The following PCDHA4 variants were observed in gnomAD, a reference collection of about 807,000 sequenced individuals.
PCDHA4 encodes protocadherin alpha-4.
PCDHA4 carries 49 observed loss-of-function variants against 61.4 expected under a neutral mutation model. The ratio of observed to expected loss-of-function variants is 0.80; its 90% CI spans 0.63 to 1.01. PCDHA4 has a LOEUF of 1.01. Among genes scored for constraint, PCDHA4 ranks in the 50% least tolerant of loss-of-function variants. The pLI, the probability that PCDHA4 is intolerant of heterozygous loss-of-function variation, is 0.00. For synonymous variants in PCDHA4, 590 were observed against 550.3 expected (o/e 1.07, Z -1.01); for missense variants, 1,254 against 1,235.8 (o/e 1.01, Z -0.22).
intron 1 of PCDHA4, chr5:140,927,252 C>A: frequency 6.2e-7 from 1 of 1,614,134 alleles, no homozygotes; most frequent in Non-Finnish European, 8.5e-7. Flanking sequence ...CCAATGACAA[C>A]TCACCTCTCT....
chr5:140,843,595 G>A, intron 1 of PCDHA4: 1 of 1,596,100 alleles, frequency 6.3e-7, no homozygotes, highest in Admixed American at 1.7e-5. Flanking sequence ...CGCAGAGGGT[G>A]TGCTCTGGTG....
At chr5:140,857,777 A>C in intron 1 of PCDHA4, 1 of 1,597,518 alleles carries the variant, frequency 6.3e-7, no homozygotes, top group South Asian at 1.1e-5. Flanking sequence ...CGGTGCAGTC[A>C]GTGAGCTGGT....
At chr5:140,834,242 C>T in intron 1 of PCDHA4, 8 of 829,662 alleles carry the variant, frequency 9.6e-6, no homozygotes, top group Non-Finnish European at 1.5e-5. Flanking sequence ...TTCCTTTTCG[C>T]ACTGGAAAGA....
chr5:140,824,312 C>A, intron 1 of PCDHA4: 2 of 756,370 alleles, frequency 2.6e-6, no homozygotes, highest in South Asian at 1.8e-5. Flanking sequence ...GTAATAGATT[C>A]ATCAGCTTTC....
At chr5:140,942,239 T>A (rs1554214876) in intron 1 of PCDHA4, among the ~76,000 whole-genome samples, 1 of 152,156 alleles carries the variant, frequency 6.6e-6, no homozygotes, top group Admixed American at 6.6e-5. Flanking sequence ...AAATAAGATA[T>A]CCATATCATT....
intron 1 of PCDHA4, among the ~76,000 whole-genome samples, chr5:140,933,147 A>G (rs1584764690): frequency 6.6e-6 from 1 of 151,986 alleles, no homozygotes. Context: ...ATAGCCACTC[A>G]TTTTGTTCCC....
chr5:140,833,558 A>G (rs1329947053), intron 1 of PCDHA4, among the ~76,000 whole-genome samples: 1 of 152,224 alleles, frequency 6.6e-6, no homozygotes, highest in African/African-American at 2.4e-5. Context: ...TGAGGAAACA[A>G]ATATAAAATG....
At chr5:140,924,901 A>AATAAAATAAAAT (rs145282866) in intron 1 of PCDHA4, among the ~76,000 whole-genome samples, 7 of 80,504 alleles carry the variant, frequency 8.7e-5, no homozygotes, top group Middle Eastern at 6.1e-3. Context: ...TCTCAAAAAA[A>AATAAAATAAAAT]AAAATAAAAT....
At position 140,858,238 on chromosome 5, in the gene PCDHA4, T is replaced by C. The variant is rs1351813678; in HGVS notation, c.2385+48666T>C. 3.1e-6 allele frequency: 5 copies of C among 1,595,920 alleles called. 1 individual carries two copies. Among genetic ancestry groups the C allele is most frequent in the Non-Finnish European group, 4.3e-6 (5 of 1,166,390 alleles). ...CGGCGGCGCCCACCGAGGGCGCATGTGGGCCGGTGAAGCCCACGCTGGTGT... is the reference window on the plus strand; with the variant it reads ...CGGCGGCGCCCACCGAGGGCGCATGCGGGCCGGTGAAGCCCACGCTGGTGT... On this transcript the variant is annotated intron_variant, in intron 1 of 3. Coordinates refer to ENST00000530339, the MANE Select transcript of PCDHA4 (RefSeq NM_018907.4).
intron 3 of PCDHA4, among the ~76,000 whole-genome samples, chr5:141,000,001 T>C (rs2097888294): frequency 6.6e-6 from 1 of 152,030 alleles, no homozygotes; most frequent in African/African-American, 2.4e-5. Flanking sequence ...TGGTATTAGA[T>C]TGGCCTCCCC....
intron 1 of PCDHA4, chr5:140,869,178 G>A (rs200717410): frequency 1.0e-4 from 168 of 1,613,870 alleles, no homozygotes; most frequent in Non-Finnish European, 1.3e-4. Flanking sequence ...AATTCTGGGA[G>A]GTGGGGAGCG....
chr5:140,929,283 G>C lies in PCDHA4; in HGVS notation c.2386-49666G>C, dbSNP rs782178876. On this transcript the variant is annotated intron_variant, in intron 1 of 3. Coordinates refer to ENST00000530339, the MANE Select transcript of PCDHA4 (RefSeq NM_018907.4). ...TGAATTTGCCAATATCCTGTATTCA[G>C]ATTCGGAATAGGAAAGGGGATCACG... 52 of 1,600,904 alleles carry C rather than the reference G, an allele frequency of 3.2e-5. No homozygotes were observed. The African/African-American group carries it at 6.7e-4, about 21-fold the overall frequency.
chr5:140,856,303 G>C (rs1554148515), intron 1 of PCDHA4: 1 of 1,598,648 alleles, frequency 6.3e-7, no homozygotes, highest in Non-Finnish European at 8.6e-7. Flanking sequence ...TTTTGTTTGT[G>C]AATTCTCGGA....
At chr5:140,820,450 C>G (rs2150106988) in intron 1 of PCDHA4, among the ~76,000 whole-genome samples, 4 of 151,918 alleles carry the variant, frequency 2.6e-5, no homozygotes, top group Non-Finnish European at 5.9e-5. Flanking sequence ...CTCTTGGTCC[C>G]TCTTGTCTTC....
intron 2 of PCDHA4, among the ~76,000 whole-genome samples, chr5:140,979,795 A>G (rs781835728): frequency 6.6e-6 from 1 of 152,264 alleles, no homozygotes. Flanking sequence ...GAAACAAATG[A>G]TCACAACTAT....
At position 140,857,907 on chromosome 5, in the gene PCDHA4, C is replaced by T. The variant is rs1250345336; in HGVS notation, c.2385+48335C>T. 3.1e-6 allele frequency: 5 copies of T among 1,597,680 alleles called. No homozygotes were observed. Among genetic ancestry groups the T allele is most frequent in the Admixed American group, 1.7e-5 (1 of 59,240 alleles). Reference sequence around the variant, plus strand: ...TCGGCGGCGGTTGGTGCACGCATCCCGTTTCGCGTGGGGCTGTACACGGGC... The same window carrying T: ...TCGGCGGCGGTTGGTGCACGCATCCTGTTTCGCGTGGGGCTGTACACGGGC... On this transcript the variant is annotated intron_variant, in intron 1 of 3. Transcript: ENST00000530339.
chr5:140,876,356 T>C, intron 1 of PCDHA4: 1 of 1,613,964 alleles, frequency 6.2e-7, no homozygotes. Flanking sequence ...ATGTTTTCAA[T>C]AAATCCAGAC....
chr5:140,895,631 C>T (rs1227407918), intron 1 of PCDHA4, among the ~76,000 whole-genome samples: 4 of 152,106 alleles, frequency 2.6e-5, no homozygotes, highest in African/African-American at 9.7e-5. Context: ...TGTCTTTTCA[C>T]ATTCTTTTTT....
chr5:140,985,233 G>C (rs1447323173), intron 3 of PCDHA4, among the ~76,000 whole-genome samples: 4 of 152,084 alleles, frequency 2.6e-5, no homozygotes, highest in Non-Finnish European at 5.9e-5. Flanking sequence ...CACCGCGCCT[G>C]GCCTAATCTT....
Sources: allele counts gnomAD v4.1 joint callset (sites outside exome capture counted in the v4.1 genomes callset), GRCh38; gene constraint gnomAD v4.1.1; transcripts MANE v1.5; gene names NCBI Gene and HGNC (gene_info 2026-07-23, HGNC 2026-07-21).